CFAP276: variants seen among roughly 807,000 people sequenced by gnomAD.
CFAP276 encodes cilia- and flagella-associated protein 276.
chr1:109,112,559 C>G, the CFAP276 span: 10 of 1,548,294 alleles, frequency 6.5e-6, no homozygotes, highest in East Asian at 1.7e-4. Context: ...AGAAGACTAC[C>G]GGCGACCCTA....
At chr1:109,108,902 AAAGATTCCAAT>A in the CFAP276 span, among the ~76,000 whole-genome samples, 1 of 152,214 alleles carries the variant, frequency 6.6e-6, no homozygotes, top group Non-Finnish European at 1.5e-5. Context: ...CAGGTGAGAA[AAAGATTCCAAT>A]AAGCAGGGAA....
chr1:109,112,503 A>C, the CFAP276 span: 1 of 1,473,244 alleles, frequency 6.8e-7, no homozygotes, highest in East Asian at 2.5e-5. Context: ...GAGTGTCTTC[A>C]CCAGAGTCCT....
the CFAP276 span, among the ~76,000 whole-genome samples, chr1:109,111,442 C>T: frequency 6.7e-6 from 1 of 149,136 alleles, no homozygotes; most frequent in Non-Finnish European, 1.5e-5. Context: ...TGCACTCCAG[C>T]TGGGGTGACA....
At chr1:109,106,242 G>GTAGTTAT in the CFAP276 span, 1 of 770,406 alleles carries the variant, frequency 1.3e-6, no homozygotes, top group East Asian at 2.6e-5. Context: ...GGACTGATGG[G>GTAGTTAT]AGGTACTTAT....
chr1:109,109,429 C>G, the CFAP276 span, among the ~76,000 whole-genome samples: 1 of 149,998 alleles, frequency 6.7e-6, no homozygotes. Flanking sequence ...GCCTGGGCAA[C>G]AAGAGTGGGA....
the CFAP276 span, chr1:109,113,688 T>G: frequency 6.2e-7 from 1 of 1,613,996 alleles, no homozygotes; most frequent in Non-Finnish European, 8.5e-7. Flanking sequence ...CTTCTTTCTC[T>G]CGGTTCACAC....
the CFAP276 span, among the ~76,000 whole-genome samples, chr1:109,113,392 C>G: frequency 3.9e-4 from 36 of 91,408 alleles, 1 homozygote; most frequent in African/African-American, 1.1e-3. Context: ...GACCCTGTCT[C>G]AGAGAGAGAG....
At chr1:109,113,451 A>AGAGGGAGT in the CFAP276 span, among the ~76,000 whole-genome samples, 1,368 of 120,100 alleles carry the variant, frequency 0.011, 84 homozygotes, top group African/African-American at 0.038. Flanking sequence ...AGAGAGAGAG[A>AGAGGGAGT]GAGAGAGAGA....
chr1:109,107,861 GGA>G, the CFAP276 span: 2 of 1,321,632 alleles, frequency 1.5e-6, no homozygotes, highest in African/African-American at 3.1e-5. Flanking sequence ...CTGGGTGACA[GGA>G]AAAAAAAAAA....
chr1:109,113,426 G>GAGAGAGAGAGAGACCCTGTC, the CFAP276 span, among the ~76,000 whole-genome samples: 1 of 90,480 alleles, frequency 1.1e-5, no homozygotes, highest in Non-Finnish European at 2.5e-5. Context: ...AAGAGAGAGA[G>GAGAGAGAGAGAGACCCTGTC]AGAGAGAGAG....
chr1:109,106,429 C>G, the CFAP276 span: 6 of 1,392,760 alleles, frequency 4.3e-6, no homozygotes, highest in Non-Finnish European at 5.9e-6. Context: ...CCACAGATAT[C>G]CTTCATCTTC....
At chr1:109,113,828 T>C in the CFAP276 span, 4 of 786,036 alleles carry the variant, frequency 5.1e-6, no homozygotes, top group Non-Finnish European at 7.7e-6. Context: ...CGGGCCTGCC[T>C]GTTGGGCCGG....
At chr1:109,106,591 A>T in the CFAP276 span, 19 of 1,613,936 alleles carry the variant, frequency 1.2e-5, no homozygotes, top group East Asian at 4.0e-4. Flanking sequence ...CCAGTGTCTG[A>T]TGTTAGCCAG....
the CFAP276 span, chr1:109,107,252 G>A: frequency 3.8e-5 from 26 of 684,526 alleles, no homozygotes; most frequent in East Asian, 3.3e-4. Flanking sequence ...CACCAACTCC[G>A]TACACACTAA....
the CFAP276 span, chr1:109,107,900 T>C: frequency 7.8e-6 from 12 of 1,532,524 alleles, no homozygotes; most frequent in South Asian, 1.4e-4. Flanking sequence ...CAAAGAGGAA[T>C]AATATTTCAA....
At chr1:109,113,581 T>C in the CFAP276 span, 2 of 1,587,644 alleles carry the variant, frequency 1.3e-6, no homozygotes, top group East Asian at 2.2e-5. Flanking sequence ...ACGGATGGAT[T>C]TGGCGGGATG....
the CFAP276 span, among the ~76,000 whole-genome samples, chr1:109,111,587 T>A: frequency 6.6e-6 from 1 of 152,200 alleles, no homozygotes; most frequent in African/African-American, 2.4e-5. Context: ...CCAGCTCTGA[T>A]TTCTGAGTGC....
At chr1:109,106,228 T>C in the CFAP276 span, 1 of 827,286 alleles carries the variant, frequency 1.2e-6, no homozygotes, top group African/African-American at 1.7e-5. Context: ...AACCGGCATA[T>C]GGAGGACTGA....
the CFAP276 span, among the ~76,000 whole-genome samples, chr1:109,113,405 AG>A: frequency 1.1e-4 from 14 of 124,030 alleles, no homozygotes; most frequent in East Asian, 2.8e-3. Context: ...AGAGAGAGAG[AG>A]AGAGAGAGAA....
Sources: allele counts gnomAD v4.1 joint callset (sites outside exome capture counted in the v4.1 genomes callset), GRCh38; gene constraint gnomAD v4.1.1; transcripts MANE v1.5; gene names NCBI Gene and HGNC (gene_info 2026-07-23, HGNC 2026-07-21).